The following RAB3B variants were observed in gnomAD, a reference collection of about 807,000 sequenced individuals.
RAB3B encodes ras-related protein Rab-3B.
RAB3B carries 11 observed loss-of-function variants against 20.5 expected under a neutral mutation model. That is an observed-to-expected ratio of 0.54 (90% CI 0.34 to 0.89). RAB3B has a LOEUF of 0.89. Ranked by LOEUF, RAB3B falls within the 40% of genes least tolerant of loss-of-function variation. The pLI, the probability that RAB3B is intolerant of heterozygous loss-of-function variation, is 0.02. For synonymous variants in RAB3B, 99 were observed against 106.3 expected (o/e 0.93, Z 0.42); for missense variants, 225 against 280.9 (o/e 0.80, Z 1.42).
Position 51,943,052 on chromosome 1 carries a change from C to T in RAB3B, c.229-5640G>A, listed in dbSNP as rs377652154. 2.5e-3 allele frequency among the ~76,000 whole-genome samples: 388 copies of T among 152,226 alleles called. 1 individual carries two copies. The highest frequency in any genetic ancestry group is 9.0e-3 in the African/African-American group (373 of 41,534). Reference sequence around the variant, plus strand: ...CTCCCTCTCTTCAGGACTCCCTATGCCTTGAGACACAACAGTATTAAAATT... The same window carrying T: ...CTCCCTCTCTTCAGGACTCCCTATGTCTTGAGACACAACAGTATTAAAATT... On this transcript the variant is annotated intron_variant, in intron 2 of 4. Transcript: ENST00000371655.
intron 1 of RAB3B, among the ~76,000 whole-genome samples, chr1:51,982,126 G>A (rs766470821): frequency 6.6e-6 from 1 of 152,194 alleles, no homozygotes; most frequent in Non-Finnish European, 1.5e-5. Context: ...AGTGGGACAA[G>A]ACATGGAAAT....
chr1:51,990,024 G>C (rs1275337599), intron 1 of RAB3B, among the ~76,000 whole-genome samples: 3 of 76,856 alleles, frequency 3.9e-5, no homozygotes, highest in African/African-American at 5.5e-5. Context: ...CCTTGCCCTC[G>C]GCACCTCAGT....
At chr1:51,956,120 C>T (rs747878243) in intron 2 of RAB3B, among the ~76,000 whole-genome samples, 35 of 152,134 alleles carry the variant, frequency 2.3e-4, no homozygotes, top group Non-Finnish European at 4.1e-4. Flanking sequence ...TTTAATCCTA[C>T]CACTAACTTG....
chr1:51,980,560 G>A lies in RAB3B; in HGVS notation c.1-3443C>T, dbSNP rs946267174. ...TCACTGGATGAACTGTGCCCAATGT[G>A]TGCCCAAGGACAAGGCCATTAAGAA... On this transcript the variant is annotated intron_variant, in intron 1 of 4. Transcript: ENST00000371655. The A allele has an allele frequency of 9.5e-5, 71 of 750,584 alleles. 1 individual carries two copies. Among genetic ancestry groups the A allele is most frequent in the South Asian group, 6.7e-5 (5 of 74,448 alleles). The allele number at this position is 750,584 out of a possible 1,614,324, so 46.5% of individuals were successfully genotyped here. A position where few individuals can be genotyped will look rare whatever the true frequency, so the allele number is the denominator to read the frequency against.
chr1:51,930,199 A>G (rs1684303188), intron 4 of RAB3B, among the ~76,000 whole-genome samples: 1 of 152,206 alleles, frequency 6.6e-6, no homozygotes, highest in African/African-American at 2.4e-5. Context: ...CTGTGTTCCT[A>G]AATAAATTTG....
intron 2 of RAB3B, among the ~76,000 whole-genome samples, chr1:51,945,973 G>A (rs934259413): frequency 5.3e-5 from 8 of 152,064 alleles, no homozygotes; most frequent in Admixed American, 4.6e-4. Flanking sequence ...TACTTGGTAG[G>A]GTTTTCATAA....
At chr1:51,942,220 C>T (rs1684504062) in intron 2 of RAB3B, among the ~76,000 whole-genome samples, 1 of 152,214 alleles carries the variant, frequency 6.6e-6, no homozygotes, top group African/African-American at 2.4e-5. Flanking sequence ...CCTGAGCTCT[C>T]CTCAGTCTCC....
Position 51,912,590 on chromosome 1 carries a change from TATATATATATAA to T in RAB3B, c.*7325_*7336del, listed in dbSNP as rs1388060030. On this transcript the variant is annotated 3_prime_UTR_variant, in exon 5 of 5. Transcript: ENST00000371655. ...ATATATATATATATATATATATATA[TATATATATATAA>T]AAAATGTTACTCCTGTGAGACAGAA... 14,715 of 64,656 alleles carry T rather than the reference TATATATATATAA, an allele frequency of 0.23. 5,372 individuals carry two copies. Among genetic ancestry groups the T allele is most frequent in the East Asian group, 0.35 (679 of 1,928 alleles). The allele number at this position is 64,656 out of a possible 1,614,324, so 4.0% of individuals were successfully genotyped here. A position where few individuals can be genotyped will look rare whatever the true frequency, so the allele number is the denominator to read the frequency against.
intron 1 of RAB3B, 45 bp downstream of exon 1, chr1:51,990,507 G>C (rs1348800920): frequency 2.0e-5 from 3 of 151,308 alleles, no homozygotes; most frequent in Non-Finnish European, 4.4e-5. Flanking sequence ...CCGGGGATCG[G>C]TCCCTGATCC....
At chr1:51,923,368 G>C (rs759229200) in intron 4 of RAB3B, among the ~76,000 whole-genome samples, 12 of 152,150 alleles carry the variant, frequency 7.9e-5, no homozygotes, top group Non-Finnish European at 1.6e-4. Flanking sequence ...GAGGCTGGCA[G>C]GGAAGGAGAG....
intron 1 of RAB3B, among the ~76,000 whole-genome samples, chr1:51,981,331 T>C (rs901664821): frequency 9.2e-5 from 14 of 152,186 alleles, no homozygotes; most frequent in African/African-American, 3.4e-4. Context: ...CCCAGCTGCA[T>C]TATTTTCTTA....
intron 2 of RAB3B, among the ~76,000 whole-genome samples, chr1:51,947,123 C>T (rs929393055): frequency 3.3e-5 from 5 of 152,134 alleles, no homozygotes; most frequent in African/African-American, 1.2e-4. Flanking sequence ...TGGCCAGGCA[C>T]GGTGGCTCAT....
At chr1:51,929,685 TC>T (rs1684296731) in intron 4 of RAB3B, among the ~76,000 whole-genome samples, 1 of 152,200 alleles carries the variant, frequency 6.6e-6, no homozygotes, top group African/African-American at 2.4e-5. Flanking sequence ...GAGTCCTAAC[TC>T]AAGTAGAACT....
intron 1 of RAB3B, among the ~76,000 whole-genome samples, chr1:51,980,040 C>T (rs532661766): frequency 2.0e-5 from 3 of 151,714 alleles, no homozygotes; most frequent in East Asian, 3.9e-4. Context: ...AGACTCCACC[C>T]CCCCAAAAAA....
At chr1:51,944,028 T>G (rs556733000) in intron 2 of RAB3B, among the ~76,000 whole-genome samples, 2 of 152,206 alleles carry the variant, frequency 1.3e-5, no homozygotes, top group Admixed American at 1.3e-4. Context: ...TCTAGGACTT[T>G]CATAGCTAGA....
intron 1 of RAB3B, among the ~76,000 whole-genome samples, chr1:51,985,808 A>T (rs563364926): frequency 7.2e-5 from 11 of 152,108 alleles, no homozygotes; most frequent in African/African-American, 2.7e-4. Context: ...AAGAGTAAAA[A>T]ATTGTTTCAG....
At chr1:51,980,567 A>G in intron 1 of RAB3B, 1 of 762,062 alleles carries the variant, frequency 1.3e-6, no homozygotes, top group Non-Finnish European at 2.4e-6. Context: ...TGTGTGCCCA[A>G]GGACAAGGCC....
intron 2 of RAB3B, among the ~76,000 whole-genome samples, chr1:51,958,394 T>C (rs1423803747): frequency 1.3e-5 from 2 of 152,122 alleles, no homozygotes; most frequent in Non-Finnish European, 2.9e-5. Flanking sequence ...ACTGGACTGG[T>C]GTCCACAGTG....
At chr1:51,924,217 G>A (rs1247839368) in intron 4 of RAB3B, among the ~76,000 whole-genome samples, 1 of 152,176 alleles carries the variant, frequency 6.6e-6, no homozygotes, top group African/African-American at 2.4e-5. Context: ...GGACAGCAAG[G>A]TGAATCAGAC....
Sources: allele counts gnomAD v4.1 joint callset (sites outside exome capture counted in the v4.1 genomes callset), GRCh38; gene constraint gnomAD v4.1.1; transcripts MANE v1.5; gene names NCBI Gene and HGNC (gene_info 2026-07-23, HGNC 2026-07-21).